Variants in LIMCH1 observed in about 807,000 individuals in gnomAD.
LIMCH1 encodes the protein LIM and calponin homology domains 1.
LIMCH1 carries 113 observed loss-of-function variants against 176.5 expected under a neutral mutation model. The observed-to-expected ratio is 0.64, with a 90% CI of 0.55 to 0.75. The LOEUF is 0.75. Among genes scored for constraint, LIMCH1 ranks in the 30% least tolerant of loss-of-function variants. The pLI, the probability that LIMCH1 is intolerant of heterozygous loss-of-function variation, is 0.00. For synonymous variants in LIMCH1, 619 were observed against 645.9 expected (o/e 0.96, Z 0.63); for missense variants, 1,674 against 1,814.9 (o/e 0.92, Z 1.41).
At chr4:41,673,338 A>C (rs1037328826) in intron 22 of LIMCH1, among the ~76,000 whole-genome samples, 1 of 152,210 alleles carries the variant, frequency 6.6e-6, no homozygotes. Flanking sequence ...CAAAGATGTC[A>C]GTTGTTCATG....
chr4:41,615,431 T>C (rs1480151693), intron 5 of LIMCH1, among the ~76,000 whole-genome samples: 2 of 152,206 alleles, frequency 1.3e-5, no homozygotes, highest in African/African-American at 4.8e-5. Context: ...AGAGTGTTTT[T>C]ATGAATGTTT....
chr4:41,401,041 T>C (rs2058380797), intron 1 of LIMCH1, among the ~76,000 whole-genome samples: 1 of 152,234 alleles, frequency 6.6e-6, no homozygotes, highest in Non-Finnish European at 1.5e-5. Context: ...TTTAATTAGA[T>C]CCCATTTGTC....
intron 1 of LIMCH1, among the ~76,000 whole-genome samples, chr4:41,475,978 T>A (rs2067677060): frequency 6.6e-6 from 1 of 152,182 alleles, no homozygotes; most frequent in Non-Finnish European, 1.5e-5. Flanking sequence ...GCCTCTTATT[T>A]ATTTATTTTT....
In LIMCH1 at chr4:41,676,307, A is replaced by G. The variant is rs1195065228; in HGVS notation, c.3439-75A>G. The G allele has an allele frequency of 2.5e-6, 3 of 1,187,568 alleles. No individual in the cohort carries two copies. In the East Asian group the frequency reaches 7.3e-5, roughly 29 times the overall value. The allele number at this position is 1,187,568 out of a possible 1,614,324, so 73.6% of individuals were successfully genotyped here. On this transcript the variant is annotated intron_variant, in intron 22 of 31. Coordinates refer to ENST00000503057, the MANE Select transcript of LIMCH1 (RefSeq NM_001330672.2). ...AATCTGGGTGCCAGGCCAGAGGCCA[A>G]TTGTCTACTCTTCACCCGGCCTGTC...
Position 41,644,511 on chromosome 4 carries a change from TGTTTGACATGCG to T in LIMCH1, c.2141_2152del (p.Phe714_Arg717del). On this transcript the variant is annotated inframe_deletion, in exon 15 of 32. Transcript: ENST00000503057. ...CTCTCCACACTCAGGAGCACCAGCA[TGTTTGACATGCG>T]GTGTGAGGAGGAGGCCGCGGTGCAG... 6.4e-7 allele frequency: 1 copy of T among 1,572,998 alleles called. No individual in the cohort carries two copies. The highest frequency in any genetic ancestry group is 8.6e-7 in the Non-Finnish European group (1 of 1,160,026).
intron 29 of LIMCH1, among the ~76,000 whole-genome samples, chr4:41,688,229 C>T (rs1722515073): frequency 6.6e-6 from 1 of 152,236 alleles, no homozygotes; most frequent in Non-Finnish European, 1.5e-5. Context: ...AAAGCTGGCG[C>T]CTTTCCCTTC....
At chr4:41,515,938 A>G (rs2075533498) in intron 2 of LIMCH1, among the ~76,000 whole-genome samples, 1 of 152,242 alleles carries the variant, frequency 6.6e-6, no homozygotes, top group Non-Finnish European at 1.5e-5. Flanking sequence ...CAAACCCAGC[A>G]ATAACTGGGT....
At chr4:41,529,335 C>A (rs1254032213) in intron 3 of LIMCH1, among the ~76,000 whole-genome samples, 1 of 152,130 alleles carries the variant, frequency 6.6e-6, no homozygotes, top group African/African-American at 2.4e-5. Context: ...TGACAGCCGT[C>A]GTGTGTGCAC....
intron 1 of LIMCH1, among the ~76,000 whole-genome samples, chr4:41,567,162 G>A (rs1486143824): frequency 1.3e-5 from 2 of 152,176 alleles, no homozygotes; most frequent in Non-Finnish European, 2.9e-5. Flanking sequence ...TGAGGTTAAG[G>A]GGGGGACCTG....
upstream of LIMCH1, among the ~76,000 whole-genome samples, chr4:41,534,637 G>A (rs2152452695): frequency 6.6e-6 from 1 of 152,294 alleles, no homozygotes; most frequent in South Asian, 2.1e-4. Context: ...CAAAAAATTG[G>A]ACTAGGTTAA....
At chr4:41,597,540 A>G (rs2089128341) in intron 1 of LIMCH1, among the ~76,000 whole-genome samples, 1 of 152,074 alleles carries the variant, frequency 6.6e-6, no homozygotes, top group Non-Finnish European at 1.5e-5. Context: ...GTGTAACTGG[A>G]TTTTTAGCTC....
intron 1 of LIMCH1, among the ~76,000 whole-genome samples, chr4:41,489,461 T>C (rs1265018668): frequency 6.6e-6 from 1 of 152,150 alleles, no homozygotes; most frequent in African/African-American, 2.4e-5. Context: ...TGCCTTAGTG[T>C]CTTTCCATAC....
At position 41,411,801 on chromosome 4, in the gene LIMCH1, T is replaced by G. The variant is rs141261017; in HGVS notation, c.96+50865T>G. On this transcript the variant is annotated intron_variant, in intron 1 of 26. Coordinates refer to the LIMCH1 transcript ENST00000313860. Reference sequence around the variant, plus strand: ...GGTGAAACCTTGTTTCTACTAAAAATACAAAAATTAGCCCGGCGTGGTGGC... The same window carrying G: ...GGTGAAACCTTGTTTCTACTAAAAAGACAAAAATTAGCCCGGCGTGGTGGC... 1.8e-3 allele frequency among the ~76,000 whole-genome samples: 265 copies of G among 151,182 alleles called. 3 individuals are homozygous for G. Among genetic ancestry groups the G allele is most frequent in the African/African-American group, 5.9e-3 (244 of 41,210 alleles).
chr4:41,633,349 C>T (rs2093424110), intron 12 of LIMCH1, among the ~76,000 whole-genome samples, 199 bp from the exon 13 acceptor site: 1 of 152,120 alleles, frequency 6.6e-6, no homozygotes, highest in South Asian at 2.1e-4. Flanking sequence ...AAAGGGACCC[C>T]CATTCCTGTG....
At chr4:41,488,814 C>T (rs10050328) in intron 1 of LIMCH1, among the ~76,000 whole-genome samples, 39,478 of 151,984 alleles carry the variant, frequency 0.26, 5,360 homozygotes, top group South Asian at 0.34. Context: ...TGTCTGGTTT[C>T]GATATCAGGG....
chr4:41,659,143 CAT>C (rs757505697), intron 18 of LIMCH1, among the ~76,000 whole-genome samples: 108 of 152,298 alleles, frequency 7.1e-4, no homozygotes, highest in Non-Finnish European at 1.3e-3. Context: ...TAAACACACA[CAT>C]GTACCATAAC....
chr4:41,393,547 T>C (rs2057481571), intron 1 of LIMCH1, among the ~76,000 whole-genome samples: 1 of 152,220 alleles, frequency 6.6e-6, no homozygotes, highest in Non-Finnish European at 1.5e-5. Flanking sequence ...TTCCAGTTAC[T>C]CATGTATAGC....
At chr4:41,575,586 T>C (rs1321536102) in intron 1 of LIMCH1, among the ~76,000 whole-genome samples, 3 of 152,240 alleles carry the variant, frequency 2.0e-5, no homozygotes, top group Admixed American at 2.0e-4. Context: ...ATAAAGCTCA[T>C]ATCAGGCGCA....
chr4:41,608,065 G>C (rs1397330289), intron 4 of LIMCH1, among the ~76,000 whole-genome samples: 3 of 152,180 alleles, frequency 2.0e-5, no homozygotes, highest in Non-Finnish European at 4.4e-5. Context: ...ATGAGACGTG[G>C]ACATGAGCAG....
Sources: allele counts gnomAD v4.1 joint callset (sites outside exome capture counted in the v4.1 genomes callset), GRCh38; gene constraint gnomAD v4.1.1; transcripts MANE v1.5; gene names NCBI Gene and HGNC (gene_info 2026-07-23, HGNC 2026-07-21).